The following MLXIPL variants were observed in gnomAD, a reference collection of about 807,000 sequenced individuals.
MLXIPL encodes carbohydrate-responsive element-binding protein.
A neutral mutation model predicts 81.5 loss-of-function variants in MLXIPL; 49 were observed. The observed-to-expected ratio is 0.60, with a 90% CI of 0.48 to 0.76. The LOEUF (loss-of-function observed/expected upper bound fraction) is 0.76. Among genes scored for constraint, MLXIPL ranks in the 30% least tolerant of loss-of-function variants. The pLI is 0.00. For synonymous variants in MLXIPL, 466 were observed against 485.5 expected, an observed-to-expected ratio of 0.96 and a Z score of 0.53; for missense variants, 1,053 against 1,167.0, an observed-to-expected ratio of 0.90 and a Z score of 1.42.
the MLXIPL span, among the ~76,000 whole-genome samples, chr7:73,642,771 T>G: frequency 6.6e-6 from 1 of 151,988 alleles, no homozygotes; most frequent in African/African-American, 2.4e-5. Context: ...CCTGGGATTA[T>G]AGGCGTGAGC....
chr7:73,624,271 G>A lies in MLXIPL; in HGVS notation c.222C>T (p.Pro74=), dbSNP rs1554603019. ...CGATACTGCGCGGCCCGAAGTCGGA[G>A]GGCCCCACGGACCCCTCCTGGTCGC... ...RRRDQEGSVG[P]SDFGPRSIDP... The change falls in exon 1 of 17, where the codon CCC becomes CCT. Residue 74 remains proline, a synonymous_variant. Transcript: ENST00000313375. 4 of 1,591,466 alleles carry A rather than the reference G, an allele frequency of 2.5e-6. No individual in the cohort carries two copies. Among genetic ancestry groups the A allele is most frequent in the Non-Finnish European group, 3.4e-6 (4 of 1,170,434 alleles).
rs1796586968 is a variant in MLXIPL, at chr7:73,624,368, A to G, written c.125T>C (p.Leu42Pro). Residue 42 changes from leucine to proline, a missense_variant, in exon 1 of 17, where the codon CTC becomes CCC. Physicochemically the swap from Leu to Pro is moderately conservative, Grantham distance 98. Transcript: ENST00000313375. ...PSLRRSAGGLLRSQVIHSGHF... is the reference protein window; with the variant it reads ...PSLRRSAGGLPRSQVIHSGHF... ...ACCGCTGTGGATGACCTGCGAGCGGAGCAAGCCGCCCGCGCTGCGCCGGAG... is the reference window on the plus strand; with the variant it reads ...ACCGCTGTGGATGACCTGCGAGCGGGGCAAGCCGCCCGCGCTGCGCCGGAG... The G allele has an allele frequency of 1.9e-6, 3 of 1,577,878 alleles. No homozygotes were observed.
chr7:73,594,661 G>T (rs193039077), intron 15 of MLXIPL, among the ~76,000 whole-genome samples: 1 of 151,972 alleles, frequency 6.6e-6, no homozygotes, highest in African/African-American at 2.4e-5. Context: ...CAATTCTCCT[G>T]CCTCAGCCTC....
chr7:73,619,333 C>A (rs1225114254), intron 1 of MLXIPL, among the ~76,000 whole-genome samples: 1 of 151,762 alleles, frequency 6.6e-6, no homozygotes, highest in Admixed American at 6.6e-5. Flanking sequence ...TGGTGGCAGG[C>A]GTCTGTAGTC....
At chr7:73,631,799 T>G in the MLXIPL span, among the ~76,000 whole-genome samples, 1 of 137,148 alleles carries the variant, frequency 7.3e-6, no homozygotes, top group East Asian at 2.4e-4. Flanking sequence ...TCCCCTCCCC[T>G]CCACTCCCTT....
At position 73,624,380 on chromosome 7, in the gene MLXIPL, G is replaced by A; in HGVS notation, c.113C>T (p.Ala38Val). 6.4e-7 allele frequency: 1 copy of A among 1,570,796 alleles called. No homozygotes were observed. Residue 38 changes from alanine (A) to valine (V), a missense_variant, in exon 1 of 17, where the codon GCG (alanine) becomes GTG (valine). Coordinates refer to ENST00000313375, the MANE Select transcript of MLXIPL (RefSeq NM_032951.3). ...DSEDPSLRRS[A>V]GGLLRSQVIH... is the part of the protein sequence containing the mutation. ...GACCTGCGAGCGGAGCAAGCCGCCC[G>A]CGCTGCGCCGGAGACTCGGGTCCTC...
intron 1 of MLXIPL, among the ~76,000 whole-genome samples, chr7:73,620,577 GAA>G (rs35474276): frequency 7.9e-4 from 68 of 85,870 alleles, no homozygotes; most frequent in Admixed American, 9.8e-4. Flanking sequence ...CACCTGTACT[GAA>G]AAAAAAAAAA....
rs1794240369 is a variant in MLXIPL, at chr7:73,595,837, C to A, written c.2186+5G>T. ...GGTCCCAGCACCCGCCTGGACCCTG[C>A]CTACTTAATGGCGGCATTGAGCTCC... On this transcript the variant is annotated splice_donor_5th_base_variant and intron_variant, in intron 14 of 16. Transcript: ENST00000313375. 1.9e-6 allele frequency: 3 copies of A among 1,602,188 alleles called. No homozygotes were observed. Among genetic ancestry groups the A allele is most frequent in the Non-Finnish European group, 2.6e-6 (3 of 1,174,570 alleles).
At position 73,606,129 on chromosome 7, in the gene MLXIPL, T is replaced by A; in HGVS notation, c.619-18A>T. On this transcript the variant is annotated intron_variant, in intron 5 of 16. Coordinates refer to ENST00000313375, the MANE Select transcript of MLXIPL (RefSeq NM_032951.3). Reference sequence around the variant, plus strand: ...CCTTCCGCCTAGGGAGACAGAGCCGTCAGCAGCCGCTAGAGAGCTCCCACT... The same window carrying A: ...CCTTCCGCCTAGGGAGACAGAGCCGACAGCAGCCGCTAGAGAGCTCCCACT... The A allele has an allele frequency of 1.9e-6, 3 of 1,559,352 alleles. No homozygotes were observed. The highest frequency in any genetic ancestry group is 2.6e-6 in the Non-Finnish European group (3 of 1,151,956).
intron 16 of MLXIPL, 100 bp downstream of exon 16, chr7:73,594,174 G>A: frequency 6.4e-7 from 1 of 1,569,982 alleles, no homozygotes; most frequent in Non-Finnish European, 8.7e-7. Context: ...ACCCTAGGCT[G>A]TGTTGATGGC....
chr7:73,647,283 C>G, the MLXIPL span, among the ~76,000 whole-genome samples: 1 of 152,214 alleles, frequency 6.6e-6, no homozygotes, highest in African/African-American at 2.4e-5. Context: ...CATCTCCCTT[C>G]TTTCTGTCCC....
At chr7:73,620,005 T>G (rs1018832833) in intron 1 of MLXIPL, among the ~76,000 whole-genome samples, 1 of 151,900 alleles carries the variant, frequency 6.6e-6, no homozygotes, top group Admixed American at 6.6e-5. Context: ...GGAGCAGTGG[T>G]GGGCCTGTAA....
chr7:73,602,950 C>T (rs1391697201), intron 7 of MLXIPL, among the ~76,000 whole-genome samples: 1 of 152,214 alleles, frequency 6.6e-6, no homozygotes, highest in Non-Finnish European at 1.5e-5. Flanking sequence ...CCAGGCCTGT[C>T]CCCACCCTGC....
chr7:73,605,612 G>T, intron 7 of MLXIPL, 76 bp downstream of exon 7: 1 of 1,348,774 alleles, frequency 7.4e-7, no homozygotes, highest in Non-Finnish European at 1.1e-6. Context: ...CTCCCAGAGG[G>T]GCCTGGGATG....
At chr7:73,599,390 G>C in intron 8 of MLXIPL, 136 bp downstream of exon 8, 1 of 1,115,542 alleles carries the variant, frequency 9.0e-7, no homozygotes, top group Non-Finnish European at 1.3e-6. Context: ...GGGCAGAGAT[G>C]GGGTCTTTCT....
chr7:73,615,875 TG>T, intron 2 of MLXIPL, among the ~76,000 whole-genome samples, 195 bp downstream of exon 2: 1 of 142,224 alleles, frequency 7.0e-6, no homozygotes, highest in African/African-American at 2.7e-5. Flanking sequence ...ATGGCACCAC[TG>T]CACTCCAGCT....
At chr7:73,599,732 C>G (rs782378679) in intron 7 of MLXIPL, 37 bp from the exon 8 acceptor site, 1 of 1,579,746 alleles carries the variant, frequency 6.3e-7, no homozygotes, top group Admixed American at 1.7e-5. Context: ...GCAGTTAGGG[C>G]CAGGGCTATG....
At chr7:73,622,667 G>A (rs1796457625) in intron 1 of MLXIPL, among the ~76,000 whole-genome samples, 1 of 151,224 alleles carries the variant, frequency 6.6e-6, no homozygotes, top group Admixed American at 6.6e-5. Flanking sequence ...TAATATTTGG[G>A]TATTTGGGAA....
chr7:73,612,723 C>T (rs2116423856), intron 2 of MLXIPL, among the ~76,000 whole-genome samples: 1 of 152,030 alleles, frequency 6.6e-6, no homozygotes, highest in Non-Finnish European at 1.5e-5. Context: ...CCAGAGACCC[C>T]ATCCTCTGGA....
Sources: gnomAD v4.1 joint callset for allele counts (sites outside exome capture counted in the v4.1 genomes callset) on GRCh38, gnomAD v4.1.1 for gene constraint, MANE v1.5 for transcripts, NCBI Gene and HGNC (gene_info 2026-07-23, HGNC 2026-07-21) for gene names.